DNAH8: variants seen among roughly 807,000 people sequenced by gnomAD.
The protein encoded by DNAH8 is dynein axonemal heavy chain 8, also known as axonemal beta dynein heavy chain 8.
In DNAH8, 382 loss-of-function variants were observed where a neutral mutation model predicts 562.1. The ratio of observed to expected loss-of-function variants is 0.68; its 90% CI spans 0.63 to 0.74. The LOEUF is 0.74. DNAH8 is among the 30% of genes least tolerant of loss of function. DNAH8 has a pLI of 0.00. For missense variants in DNAH8, 5,203 were observed against 5,620.4 expected (o/e 0.93, Z 2.37); for synonymous variants, 1,881 against 1,919.4 (o/e 0.98, Z 0.52).
chr6:38,915,361 C>A lies in DNAH8; in HGVS notation c.10124C>A (p.Ala3375Glu). 1 of 1,595,052 alleles carries A rather than the reference C, an allele frequency of 6.3e-7. No individual in the cohort carries two copies. Among genetic ancestry groups the A allele is most frequent in the Admixed American group, 1.8e-5 (1 of 55,072 alleles). The change falls in exon 68 of 93, where the codon GCA becomes GAA. Residue 3375 changes from alanine to glutamate, a missense_variant. This residue lies in a region of DNAH8 where 87 missense variants were observed against 144.9 expected (regional missense o/e 0.60). Transcript: ENST00000327475. ...LEAAKPALEE[A>E]EAALNTIKPN... The stretch of plus-strand genomic sequence containing the variant: ...GCAGCTAAACCTGCACTGGAAGAAG[C>A]AGAAGCAGCCCTGAATGTGAGCAGT...
intron 4 of DNAH8, among the ~76,000 whole-genome samples, chr6:38,733,274 A>G (rs79980331): frequency 0.25 from 38,398 of 151,940 alleles, 5,800 homozygotes; most frequent in Non-Finnish European, 0.35. Flanking sequence ...TAATATTGTG[A>G]CCAACTATCT....
rs1778625489 is a variant in DNAH8 at position 38,883,009 on chromosome 6, T to G, written c.7958T>G (p.Ile2653Ser). The G allele has an allele frequency of 6.2e-7, 1 of 1,603,360 alleles. No individual in the cohort carries two copies. Among genetic ancestry groups the G allele is most frequent in the East Asian group, 2.2e-5 (1 of 44,482 alleles). Residue 2653 changes from isoleucine (I) to serine (S), a missense_variant, in exon 54 of 93, where the codon ATT becomes AGT. Around this residue, in one of 6 missense-constraint regions of DNAH8, gnomAD observed 977 missense variants for 1,061.8 expected, o/e 0.92. Transcript: ENST00000327475. ...ATTTTGGTTCCAAATGTTGACAATA[T>G]TAGAACAAATTTTTTGATAGACACC... ...SSILVPNVDNIRTNFLIDTIA... is the reference protein window; with the variant it reads ...SSILVPNVDNSRTNFLIDTIA...
chr6:38,776,067 T>A (rs1768034894), intron 13 of DNAH8, 116 bp downstream of exon 13: 1 of 714,294 alleles, frequency 1.4e-6, no homozygotes, highest in African/African-American at 1.8e-5. Context: ...TGATTTAAGT[T>A]CCTCTTTCAC....
At chr6:38,803,398 C>T in intron 22 of DNAH8, 87 bp downstream of exon 22, 2 of 907,036 alleles carry the variant, frequency 2.2e-6, no homozygotes, top group Middle Eastern at 2.2e-4. Flanking sequence ...GTACTGAATT[C>T]CAGACCCTCC....
At chr6:38,750,662 G>A in intron 9 of DNAH8, 73 bp downstream of exon 9, 1 of 928,350 alleles carries the variant, frequency 1.1e-6, no homozygotes, top group Non-Finnish European at 1.7e-6. Flanking sequence ...CTACTCAGAA[G>A]GCTGAGGTGG....
At chr6:38,717,882 C>T (rs1444590490) in intron 1 of DNAH8, among the ~76,000 whole-genome samples, 1 of 151,730 alleles carries the variant, frequency 6.6e-6, no homozygotes, top group Non-Finnish European at 1.5e-5. Context: ...TGCTGAGAAA[C>T]AAAAAAATGC....
chr6:38,781,494 GC>G, intron 16 of DNAH8, 121 bp downstream of exon 16: 1 of 1,210,578 alleles, frequency 8.3e-7, no homozygotes, highest in African/African-American at 1.5e-5. Context: ...CTTTTACCAG[GC>G]AAGGAAAATT....
At position 38,948,727 on chromosome 6, in the gene DNAH8, G is replaced by A. The variant is rs551097691; in HGVS notation, c.12130-725G>A. Among the ~76,000 whole-genome samples, 3 of 152,240 alleles carry A rather than the reference G, an allele frequency of 2.0e-5. No homozygotes were observed. In the East Asian group the frequency reaches 5.8e-4, roughly 29 times the overall value. ...ATAGGCTCAATAATCTATAGTTTTC[G>A]TACTTAGTCTTGATGGAACTTGGGC... On this transcript the variant is annotated intron_variant, in intron 80 of 92. Coordinates refer to ENST00000327475, the MANE Select transcript of DNAH8 (RefSeq NM_001206927.2).
In DNAH8 at chr6:38,929,648, A is replaced by G; in HGVS notation, c.11256A>G (p.Lys3752=). 1 of 1,575,938 alleles carries G rather than the reference A, an allele frequency of 6.3e-7. No individual in the cohort carries two copies. Among genetic ancestry groups the G allele is most frequent in the Non-Finnish European group, 8.6e-7 (1 of 1,163,192 alleles). ...ATGTATTAGAAAAGAATTTTATTAA[A>G]TCTGGCACCACTTTCAAGGTGAGCT... is the stretch of plus-strand genomic sequence containing the variant. ...LDNVLEKNFI[K]SGTTFKVKVG... The change falls in exon 75 of 93, where the codon AAA becomes AAG. Residue 3752 remains lysine (K), a synonymous_variant. Coordinates refer to ENST00000327475, the MANE Select transcript of DNAH8 (RefSeq NM_001206927.2).
chr6:38,921,222 C>A, intron 70 of DNAH8, 147 bp from the exon 71 acceptor site: 1 of 882,996 alleles, frequency 1.1e-6, no homozygotes, highest in Non-Finnish European at 1.7e-6. Context: ...CCCTCCAAGA[C>A]GCTTTGCTTT....
At chr6:38,795,375 C>T (rs576658453) in intron 21 of DNAH8, among the ~76,000 whole-genome samples, 34 of 152,198 alleles carry the variant, frequency 2.2e-4, no homozygotes, top group African/African-American at 7.0e-4. Context: ...GTCAGGAGAT[C>T]GAGACCATCC....
intron 84 of DNAH8, 130 bp from the exon 85 acceptor site, chr6:38,974,244 A>G (rs1159426875): frequency 1.4e-6 from 1 of 728,578 alleles, no homozygotes; most frequent in Non-Finnish European, 2.2e-6. Flanking sequence ...AATATTCCAA[A>G]ATCTGAAATT....
intron 18 of DNAH8, among the ~76,000 whole-genome samples, chr6:38,787,764 C>T (rs1349482918): frequency 6.7e-6 from 1 of 149,696 alleles, no homozygotes; most frequent in Non-Finnish European, 1.5e-5. Flanking sequence ...ATTCAAAGGT[C>T]GAATCAAAGT....
chr6:39,019,730 G>A (rs1369628320), intron 91 of DNAH8, among the ~76,000 whole-genome samples: 1 of 152,182 alleles, frequency 6.6e-6, no homozygotes, highest in Non-Finnish European at 1.5e-5. Flanking sequence ...TGAGGCCAAA[G>A]GTCTGAGAGG....
chr6:38,954,200 A>G (rs1762099006), intron 82 of DNAH8, among the ~76,000 whole-genome samples: 1 of 152,174 alleles, frequency 6.6e-6, no homozygotes, highest in Non-Finnish European at 1.5e-5. Flanking sequence ...TGGGTTTAGC[A>G]CGAGAGCCTT....
At chr6:38,873,502 A>C (rs1777633211) in intron 52 of DNAH8, 126 bp downstream of exon 52, 1 of 795,088 alleles carries the variant, frequency 1.3e-6, no homozygotes, top group Non-Finnish European at 1.9e-6. Context: ...TGTGGCTGTA[A>C]AAGCTCTGAT....
chr6:38,864,170 T>C (rs1776864892), intron 45 of DNAH8, 110 bp downstream of exon 45: 1 of 906,064 alleles, frequency 1.1e-6, no homozygotes, highest in Non-Finnish European at 1.7e-6. Context: ...AGTTATAAGC[T>C]GTTCTCTCTT....
At chr6:38,878,610 C>A (rs1778207479) in intron 53 of DNAH8, among the ~76,000 whole-genome samples, 1 of 152,100 alleles carries the variant, frequency 6.6e-6, no homozygotes, top group African/African-American at 2.4e-5. Context: ...ACATACATTA[C>A]CATAGTCAAG....
intron 25 of DNAH8, among the ~76,000 whole-genome samples, chr6:38,814,815 A>G (rs1772098190): frequency 6.6e-6 from 1 of 152,148 alleles, no homozygotes; most frequent in Non-Finnish European, 1.5e-5. Flanking sequence ...AGAAAGACAA[A>G]AAGAGCCTGT....
Sources: allele counts gnomAD v4.1 joint callset (sites outside exome capture counted in the v4.1 genomes callset), GRCh38; gene constraint gnomAD v4.1.1; regional missense constraint gnomAD v4.1.1; transcripts MANE v1.5; gene names NCBI Gene and HGNC (gene_info 2026-07-23, HGNC 2026-07-21).